WDPCP: variants seen among roughly 807,000 people sequenced by gnomAD.
WDPCP encodes WD repeat containing planar cell polarity effector.
WDPCP carries 71 observed loss-of-function variants against 93.1 expected under a neutral mutation model. The ratio of observed to expected loss-of-function variants is 0.76; its 90% confidence interval spans 0.63 to 0.93. WDPCP has a LOEUF of 0.93. Among genes scored for constraint, WDPCP ranks in the 40% least tolerant of loss-of-function variants. The pLI is 0.00. For synonymous variants in WDPCP, 315 were observed against 315.0 expected, an observed-to-expected ratio of 1.00 and a Z score of 0.00; for missense variants, 844 against 887.4, an observed-to-expected ratio of 0.95 and a Z score of 0.62.
chr2:63,401,278 G>A lies in WDPCP; in HGVS notation c.1435+2770C>T, dbSNP rs531021845. Among the ~76,000 whole-genome samples the A allele has an allele frequency of 2.6e-5, 4 of 152,118 alleles. No individual in the cohort carries two copies. In the South Asian group the frequency reaches 8.3e-4, roughly 32 times the overall value. ...AAGGTCTAATATCCAGAATCTACAAGGAACTTAAACAAATTTACAAGAACA... is the reference window on the plus strand; with the variant it reads ...AAGGTCTAATATCCAGAATCTACAAAGAACTTAAACAAATTTACAAGAACA... On this transcript the variant is annotated intron_variant, in intron 10 of 17. Coordinates refer to ENST00000272321, the MANE Select transcript of WDPCP (RefSeq NM_015910.7).
At chr2:63,728,108 C>T (rs1207219764) in intron 2 of WDPCP, among the ~76,000 whole-genome samples, 1 of 152,138 alleles carries the variant, frequency 6.6e-6, no homozygotes, top group African/African-American at 2.4e-5. Flanking sequence ...AATGTATCTT[C>T]TAACATCTAA....
At chr2:63,706,600 CTTT>C (rs896018299) in intron 2 of WDPCP, among the ~76,000 whole-genome samples, 5 of 61,700 alleles carry the variant, frequency 8.1e-5, no homozygotes, top group Non-Finnish European at 1.4e-4. Flanking sequence ...AAATTCTTTT[CTTT>C]TTTTTTTTTT....
chr2:63,459,527 C>T (rs879845971), intron 6 of WDPCP, among the ~76,000 whole-genome samples: 1 of 152,146 alleles, frequency 6.6e-6, no homozygotes, highest in Non-Finnish European at 1.5e-5. Flanking sequence ...CAAAAAATAA[C>T]ATGCTGGCAA....
At chr2:63,388,685 A>G (rs1390391697) in intron 10 of WDPCP, among the ~76,000 whole-genome samples, 1 of 152,236 alleles carries the variant, frequency 6.6e-6, no homozygotes, top group Non-Finnish European at 1.5e-5. Context: ...TAGAATAAAC[A>G]GTGTAGAGAA....
At chr2:63,643,825 T>G (rs262477) in intron 3 of WDPCP, 425,922 of 541,062 alleles carry the variant, frequency 0.79, 169,489 homozygotes, top group East Asian at 0.98. Context: ...TTTGGACCTT[T>G]CCATTGATCT....
intron 2 of WDPCP, among the ~76,000 whole-genome samples, chr2:63,707,538 T>C (rs866404466): frequency 2.6e-5 from 4 of 152,314 alleles, no homozygotes; most frequent in African/African-American, 9.6e-5. Context: ...CTAATTTTTT[T>C]CCAAAGTTTT....
chr2:63,176,100 T>G (rs1559176056), intron 14 of WDPCP, among the ~76,000 whole-genome samples: 1 of 152,176 alleles, frequency 6.6e-6, no homozygotes, highest in Non-Finnish European at 1.5e-5. Flanking sequence ...TTATTTTCTG[T>G]TTTTTTAAAA....
chr2:63,467,327 C>A, intron 6 of WDPCP, among the ~76,000 whole-genome samples: 1 of 149,828 alleles, frequency 6.7e-6, no homozygotes, highest in Non-Finnish European at 1.5e-5. Context: ...TAAAAATACA[C>A]AAATAAGCCG....
intron 1 of WDPCP, among the ~76,000 whole-genome samples, chr2:63,815,809 G>T (rs974906242): frequency 2.6e-5 from 4 of 152,118 alleles, no homozygotes; most frequent in Non-Finnish European, 5.9e-5. Context: ...GGTGATAGCT[G>T]CAAGTACTAA....
chr2:63,751,945 C>G, intron 2 of WDPCP: 2 of 656,996 alleles, frequency 3.0e-6, no homozygotes, highest in East Asian at 6.1e-5. Flanking sequence ...TCCACCATGA[C>G]CACAGCTGCC....
rs202022752 is a variant in WDPCP at position 63,300,189 on chromosome 2, C to T, written c.1812+13059G>A. Among the ~76,000 whole-genome samples the T allele has an allele frequency of 3.3e-5, 5 of 152,258 alleles. 1 individual carries two copies. The East Asian group carries it at 9.7e-4, about 29-fold the overall frequency. On this transcript the variant is annotated intron_variant, in intron 13 of 17. Coordinates refer to ENST00000272321, the MANE Select transcript of WDPCP (RefSeq NM_015910.7). The stretch of plus-strand genomic sequence containing the variant: ...GGAGGAAGCTGTTGCTCTTTCTCTT[C>T]TCTTCTACCTATTAAACCTCTGTTC...
At chr2:63,822,787 G>A (rs974613270) in intron 1 of WDPCP, among the ~76,000 whole-genome samples, 5 of 152,006 alleles carry the variant, frequency 3.3e-5, no homozygotes, top group Admixed American at 2.6e-4. Flanking sequence ...TCAGGAGGCT[G>A]AAGTGGGAGG....
At chr2:63,302,553 C>A (rs1685411318) in intron 13 of WDPCP, among the ~76,000 whole-genome samples, 1 of 152,246 alleles carries the variant, frequency 6.6e-6, no homozygotes, top group East Asian at 1.9e-4. Flanking sequence ...GGAAGGGAAC[C>A]CAGAAGCCTG....
rs114388846 is a variant in WDPCP, at chr2:63,621,205, C to T, written n.488+29454G>A. Reference sequence around the variant, plus strand: ...AACTGATGTAGAAGGTGGCTTCAGACGGTGGCTAATAACAAACTCCTCTGA... The same window carrying T: ...AACTGATGTAGAAGGTGGCTTCAGATGGTGGCTAATAACAAACTCCTCTGA... On this transcript the variant is annotated intron_variant and non_coding_transcript_variant, in intron 3 of 4. Transcript: ENST00000467687. Among the ~76,000 whole-genome samples, 568 of 152,036 alleles carry T rather than the reference C, an allele frequency of 3.7e-3. 2 individuals are homozygous for T. The highest frequency in any genetic ancestry group is 0.013 in the African/African-American group (529 of 41,488).
chr2:63,179,957 A>C (rs13426053), intron 14 of WDPCP, among the ~76,000 whole-genome samples: 3,023 of 152,236 alleles, frequency 0.02, 113 homozygotes, highest in African/African-American at 0.069. Flanking sequence ...GCACTTGAAA[A>C]TAATGTGTTT....
chr2:63,594,831 G>A, intron 3 of WDPCP: 2 of 371,896 alleles, frequency 5.4e-6, no homozygotes, highest in Non-Finnish European at 9.9e-6. Flanking sequence ...GCAACCAGCA[G>A]GTGTCAGTCA....
At chr2:63,206,596 G>A (rs1021239607) in intron 14 of WDPCP, among the ~76,000 whole-genome samples, 5 of 152,192 alleles carry the variant, frequency 3.3e-5, no homozygotes, top group African/African-American at 9.6e-5. Context: ...GGGAGTACAG[G>A]AGTGTGCCAC....
the WDPCP span, among the ~76,000 whole-genome samples, chr2:63,833,602 A>G: frequency 6.6e-6 from 1 of 152,214 alleles, no homozygotes; most frequent in Non-Finnish European, 1.5e-5. Flanking sequence ...GAGATTGACC[A>G]TGTAATATAT....
At position 63,378,481 on chromosome 2, in the gene WDPCP, G is replaced by A. The variant is rs1314454130; in HGVS notation, c.1653C>T (p.Phe551=). ...EAQLETSLGT[F]YAPTRPLLDS... ...CCAGAAGTGGTCTTGTTGGAGCATA[G>A]AAGGTTCCAAGGCTTGTCTCAAGCT... is the stretch of plus-strand genomic sequence containing the variant. The change falls in exon 12 of 18, where the codon TTC becomes TTT. Residue 551 remains phenylalanine (F), a synonymous_variant. Transcript: ENST00000272321. 5 of 1,613,042 alleles carry A rather than the reference G, an allele frequency of 3.1e-6. No homozygotes were observed. The South Asian group carries it at 5.5e-5, about 18-fold the overall frequency.
Sources: allele counts gnomAD v4.1 joint callset (sites outside exome capture counted in the v4.1 genomes callset), GRCh38; gene constraint gnomAD v4.1.1; transcripts MANE v1.5; gene names NCBI Gene and HGNC (gene_info 2026-07-23, HGNC 2026-07-21).